The following ACAP3 variants were observed in gnomAD, a reference collection of about 807,000 sequenced individuals.
ACAP3 encodes the protein arf-GAP with coiled-coil, ANK repeat and PH domain-containing protein 3.
A neutral mutation model predicts 104.1 loss-of-function variants in ACAP3; 56 were observed. The observed-to-expected ratio is 0.54, with a 90% CI of 0.43 to 0.67. The LOEUF is 0.67. ACAP3 is among the 30% of genes least tolerant of loss of function. The pLI, the probability that ACAP3 is intolerant of heterozygous loss-of-function variation, is 0.00. For synonymous variants in ACAP3, 628 were observed against 496.2 expected (o/e 1.27, Z -3.53); for missense variants, 1,208 against 1,174.9 (o/e 1.03, Z -0.41).
chr1:1,307,881 C>G lies in ACAP3; in HGVS notation c.-66G>C. On this transcript the variant is annotated 5_prime_UTR_variant, in exon 1 of 24. Transcript: ENST00000354700. ...GCGCCGAGCGGCAGCCGCGCCGGCCCGGACCGCTCGTCCCGCCCGCGCCGC... is the reference window on the plus strand; with the variant it reads ...GCGCCGAGCGGCAGCCGCGCCGGCCGGGACCGCTCGTCCCGCCCGCGCCGC... The G allele has an allele frequency of 2.2e-6, 2 of 926,636 alleles. No individual in the cohort carries two copies. Among genetic ancestry groups the G allele is most frequent in the Non-Finnish European group, 2.6e-6 (2 of 776,026 alleles). 57.4% of individuals were successfully genotyped at this position (926,636 alleles called of 1,614,324 possible).
chr1:1,307,185 C>T (rs1476454043), intron 1 of ACAP3: 8 of 1,285,298 alleles, frequency 6.2e-6, no homozygotes, highest in South Asian at 1.2e-5. Flanking sequence ...CGCAGGTGTA[C>T]ACGCCTGCAC....
chr1:1,299,263 C>T, intron 10 of ACAP3, 82 bp downstream of exon 10: 1 of 1,525,828 alleles, frequency 6.6e-7, no homozygotes, highest in Admixed American at 1.9e-5. Flanking sequence ...TGCTGAAGTG[C>T]CCTTGGGGTA....
rs34915340 is a variant in ACAP3, at chr1:1,302,795, T to TCC, written c.279+125_279+126dup. The TCC allele has an allele frequency of 1.7e-3, 289 of 168,098 alleles. 1 individual carries two copies. The highest frequency in any genetic ancestry group is 2.3e-3 in the Middle Eastern group (1 of 440). 10.4% of individuals were successfully genotyped at this position (168,098 alleles called of 1,614,324 possible). A position where few individuals can be genotyped will look rare whatever the true frequency, so the allele number is the denominator to read the frequency against. On this transcript the variant is annotated intron_variant, in intron 4 of 23. Transcript: ENST00000354700. ...CCACACTGACTTGAAAATGTGGGAT[T>TCC]CCCCCCCCCCCCGACTAGAGGAGCA...
Position 1,294,508 on chromosome 1 carries a change from G to T in ACAP3, c.2033C>A (p.Ala678Asp), listed in dbSNP as rs1328974692. 6.6e-7 allele frequency: 1 copy of T among 1,524,946 alleles called. No homozygotes were observed. The highest frequency in any genetic ancestry group is 2.1e-5 in the Admixed American group (1 of 48,052). The allele number at this position is 1,524,946 out of a possible 1,614,324, so 94.5% of individuals were successfully genotyped here. The change falls in exon 21 of 24, where the codon GCC (alanine) becomes GAC (aspartate). Residue 678 changes from alanine (A) to aspartate (D), a missense_variant. Transcript: ENST00000354700. ...CGCCGCCAGCGCAGGAAGGTCGCGG[G>T]CACGCGCTGCGCGGTGCGCCAAGAG... ...PGLLAHRAAR[A>D]RDLPALAAAL... is the part of the protein sequence containing the mutation.
At chr1:1,298,147 G>T in intron 12 of ACAP3, 34 bp from the exon 13 acceptor site, 5 of 1,579,784 alleles carry the variant, frequency 3.2e-6, no homozygotes, top group Non-Finnish European at 2.6e-6. Context: ...CCTGCCCTCA[G>T]CCACCACCCG....
At chr1:1,306,873 G>A (rs1298320493) in intron 1 of ACAP3, among the ~76,000 whole-genome samples, 1 of 152,242 alleles carries the variant, frequency 6.6e-6, no homozygotes, top group Non-Finnish European at 1.5e-5. Flanking sequence ...AACCCACACA[G>A]ACAGGTGGTG....
In ACAP3 at chr1:1,295,513, A is replaced by T; in HGVS notation, c.1747T>A (p.Cys583Ser). The change falls in exon 19 of 24, where the codon TGT becomes AGT. Residue 583 changes from cysteine (C) to serine (S), a missense_variant. Transcript: ENST00000354700. ...DRKFRRDSLF[C>S]PDELDSLFSY... is the part of the protein sequence containing the mutation. ...AAGAGCGAGTCCAGCTCGTCGGGAC[A>T]GAAGAGGGAGTCTCGGCGGAACTTA... is the stretch of plus-strand genomic sequence containing the variant. 6.2e-7 allele frequency: 1 copy of T among 1,612,646 alleles called. No homozygotes were observed. The highest frequency in any genetic ancestry group is 8.5e-7 in the Non-Finnish European group (1 of 1,179,908).
At chr1:1,297,071 G>A (rs1316568538) in intron 14 of ACAP3, among the ~76,000 whole-genome samples, 7 of 152,242 alleles carry the variant, frequency 4.6e-5, no homozygotes, top group Admixed American at 3.3e-4. Flanking sequence ...GCGTGTGCAC[G>A]TGTGTGGGGC....
chr1:1,295,049 C>T, intron 19 of ACAP3: 1 of 571,152 alleles, frequency 1.8e-6, no homozygotes, highest in Non-Finnish European at 3.1e-6. Flanking sequence ...TTTTGGGAAG[C>T]CCTTCCCTCC....
In ACAP3 at chr1:1,304,048, C is replaced by G. The variant is rs779516013; in HGVS notation, c.105+38G>C. On this transcript the variant is annotated intron_variant, in intron 2 of 23. Transcript: ENST00000354700. ...AGTCTGGCCATGTGGCCATCCCAAG[C>G]TTGGCCGGGCACAGGGCGCTCCAGG... 6.5e-6 allele frequency: 10 copies of G among 1,549,834 alleles called. No individual in the cohort carries two copies. In the African/African-American group the frequency reaches 1.2e-4, roughly 19 times the overall value.
chr1:1,294,576 G>C lies in ACAP3; in HGVS notation c.1965C>G (p.Ala655=), dbSNP rs907571116. ...SSGEADGDTE[A]EAWGLADVRE... ...GCACGTCCGCCAGGCCCCAGGCCTC[G>C]GCCTCAGTGTCCCCGTCTGCCTCAC... The change falls in exon 21 of 24, where the codon GCC becomes GCG. Residue 655 remains alanine, a synonymous_variant. Coordinates refer to ENST00000354700, the MANE Select transcript of ACAP3 (RefSeq NM_030649.3). The C allele has an allele frequency of 1.3e-6, 2 of 1,510,300 alleles. No individual in the cohort carries two copies. The highest frequency in any genetic ancestry group is 1.8e-6 in the Non-Finnish European group (2 of 1,137,058). 93.6% of individuals were successfully genotyped at this position (1,510,300 alleles called of 1,614,324 possible).
intron 5 of ACAP3, 184 bp downstream of exon 5, chr1:1,301,804 T>A: frequency 2.1e-6 from 1 of 465,408 alleles, no homozygotes. Context: ...CACCCACACA[T>A]GCAGGGTGTG....
rs1641144774 is a variant in ACAP3, at chr1:1,296,267, G to A, written c.1351C>T (p.His451Tyr). Residue 451 changes from histidine to tyrosine, a missense_variant, in exon 16 of 24, where the codon CAC (histidine) becomes TAC (tyrosine). Physicochemically the swap from His to Tyr is moderately conservative, Grantham distance 83. Transcript: ENST00000354700. ...GTCAGGGACCGCACCTTGGAGCAGT[G>A]GACACCCAGGCTCCTGGAGAGCAGA... ...CSGIHRSLGVHCSKVRSLTLD... is the reference protein window; with the variant it reads ...CSGIHRSLGVYCSKVRSLTLD... 6.4e-7 allele frequency: 1 copy of A among 1,558,806 alleles called. No individual in the cohort carries two copies.
rs1190047018 is a variant in ACAP3, at chr1:1,293,213, C to T, written c.*351G>A. The T allele has an allele frequency of 1.2e-5, 2 of 173,344 alleles. No individual in the cohort carries two copies. The highest frequency in any genetic ancestry group is 2.4e-5 in the African/African-American group (1 of 41,978). The allele number at this position is 173,344 out of a possible 1,614,324, so 10.7% of individuals were successfully genotyped here. A position where few individuals can be genotyped will look rare whatever the true frequency, so the allele number is the denominator to read the frequency against. On this transcript the variant is annotated 3_prime_UTR_variant, in exon 24 of 24. Transcript: ENST00000354700. ...TGGGCAGAAGTGGGGCACGAAGTAA[C>T]ACAGGCCCTGAGGACACAGGGACAC... is the stretch of plus-strand genomic sequence containing the variant.
chr1:1,296,804 C>G (rs564492009), intron 14 of ACAP3, among the ~76,000 whole-genome samples, 171 bp from the exon 15 acceptor site: 5 of 143,620 alleles, frequency 3.5e-5, no homozygotes, highest in Non-Finnish European at 6.2e-5. Context: ...GCCCCCCCCT[C>G]GAGCACACGC....
At chr1:1,298,463 CCCAGGGCTGCTGTGACCCCTG>C (rs1428029783) in intron 11 of ACAP3, 42 bp from the exon 12 acceptor site, 3 of 1,593,402 alleles carry the variant, frequency 1.9e-6, no homozygotes, top group Non-Finnish European at 2.6e-6. Context: ...CGGGGCCCAT[CCCAGGGCTGCTGTGACCCCTG>C]CCCCCACCTG....
chr1:1,294,650 G>A (rs146086079), intron 20 of ACAP3, 22 bp from the exon 21 acceptor site: 35,887 of 1,532,940 alleles, frequency 0.023, 531 homozygotes, highest in South Asian at 0.034. Flanking sequence ...GGGCGGTCAG[G>A]GAAAGCAACC....
At chr1:1,307,475 G>T in intron 1 of ACAP3, 1 of 1,284,226 alleles carries the variant, frequency 7.8e-7, no homozygotes. Flanking sequence ...CCCGGGAGGG[G>T]CTCAGCCCAG....
intron 18 of ACAP3, 32 bp downstream of exon 18, chr1:1,295,704 C>T: frequency 1.9e-6 from 3 of 1,579,136 alleles, no homozygotes; most frequent in African/African-American, 1.3e-5. Flanking sequence ...AAGGCAAGCC[C>T]CTCCCAGCCC....
Sources: gnomAD v4.1 joint callset for allele counts (sites outside exome capture counted in the v4.1 genomes callset) on GRCh38, gnomAD v4.1.1 for gene constraint, MANE v1.5 for transcripts, NCBI Gene and HGNC (gene_info 2026-07-23, HGNC 2026-07-21) for gene names.